The following ASXL2 variants were observed in gnomAD, a reference collection of about 807,000 sequenced individuals.
ASXL2 encodes the protein ASXL transcriptional regulator 2, also known as putative Polycomb group protein ASXL2.
A neutral mutation model predicts 122.0 loss-of-function variants in ASXL2; 23 were observed. The observed-to-expected ratio is 0.19, with a 90% CI of 0.14 to 0.27. The LOEUF is 0.27. ASXL2 is among the 10% of genes least tolerant of loss of function. The pLI is 1.00. For synonymous variants in ASXL2, 650 were observed against 637.0 expected (o/e 1.02, Z -0.31); for missense variants, 1,518 against 1,713.8 (o/e 0.89, Z 2.02).
At chr2:25,755,121 T>G (rs922829847) in intron 10 of ASXL2, among the ~76,000 whole-genome samples, 2 of 152,228 alleles carry the variant, frequency 1.3e-5, no homozygotes, top group East Asian at 3.8e-4. Context: ...ACTTTTCAAG[T>G]GCTATTTTTT....
chr2:25,761,552 A>G (rs1448746505), intron 8 of ASXL2, among the ~76,000 whole-genome samples: 1 of 151,934 alleles, frequency 6.6e-6, no homozygotes, highest in African/African-American at 2.4e-5. Context: ...GCGCGCCTGT[A>G]ATCCCAGCTA....
At chr2:25,831,828 G>A (rs1033246846) in intron 3 of ASXL2, among the ~76,000 whole-genome samples, 2 of 151,726 alleles carry the variant, frequency 1.3e-5, no homozygotes, top group Non-Finnish European at 2.9e-5. Flanking sequence ...TAAATCCAAA[G>A]AAAAAGTCCT....
rs10579555 is a variant in ASXL2, at chr2:25,744,935, C to CCACACACA, written c.1861-467_1861-460dup. The stretch of plus-strand genomic sequence containing the variant: ...GGGAAAATACTTGCTCTTCTCTGTT[C>CCACACACA]CACACACACACACACACACACACAC... On this transcript the variant is annotated intron_variant, in intron 12 of 12. Transcript: ENST00000435504. The surrounding 1 kb of genome is among the most constrained non-coding windows in gnomAD (Gnocchi z 4.7). 4.6e-3 allele frequency among the ~76,000 whole-genome samples: 640 copies of CCACACACA among 138,322 alleles called. 3 individuals carry two copies. The highest frequency in any genetic ancestry group is 0.011 in the South Asian group (45 of 3,996). 90.7% of individuals were successfully genotyped at this position (138,322 alleles called of 152,430 possible).
intron 1 of ASXL2, among the ~76,000 whole-genome samples, chr2:25,875,078 T>C (rs1234227942): frequency 3.3e-5 from 5 of 151,966 alleles, no homozygotes; most frequent in African/African-American, 9.7e-5. Flanking sequence ...AGATCCTGTC[T>C]CAAAAAAAGA....
intron 3 of ASXL2, among the ~76,000 whole-genome samples, chr2:25,826,892 C>G (rs1346336915): frequency 1.3e-5 from 2 of 150,954 alleles, no homozygotes; most frequent in East Asian, 3.9e-4. Flanking sequence ...CCCAGGCTGG[C>G]TCAATCATAC....
chr2:25,746,505 TGA>T (rs1491382320), intron 12 of ASXL2, among the ~76,000 whole-genome samples: 8 of 45,886 alleles, frequency 1.7e-4, no homozygotes, highest in Non-Finnish European at 4.7e-4. Flanking sequence ...GGGGAAAAAA[TGA>T]AAAAAAAAAA....
At chr2:25,847,139 C>T (rs564247475) in intron 1 of ASXL2, among the ~76,000 whole-genome samples, 124 of 152,152 alleles carry the variant, frequency 8.1e-4, no homozygotes, top group East Asian at 4.0e-3. Context: ...AGATAAGTGG[C>T]GCCAAAATTC....
rs553591202 is a variant in ASXL2 at position 25,809,082 on chromosome 2, G to C, written c.144-2745C>G. 3.9e-5 allele frequency among the ~76,000 whole-genome samples: 6 copies of C among 152,314 alleles called. No individual in the cohort carries two copies. The South Asian group carries it at 1.0e-3, about 26-fold the overall frequency. On this transcript the variant is annotated intron_variant, in intron 3 of 12. Coordinates refer to ENST00000435504, the MANE Select transcript of ASXL2 (RefSeq NM_018263.6). ...TACAATGAGATAGCACTTTTAGAGA[G>C]AGCAGCTTCAAACCCAGAAAAGGAT...
At position 25,744,447 on chromosome 2, in the gene ASXL2, C is replaced by T. The variant is rs754898134; in HGVS notation, c.1890G>A (p.Pro630=). The T allele has an allele frequency of 5.0e-6, 8 of 1,610,158 alleles. No homozygotes were observed. Among genetic ancestry groups the T allele is most frequent in the South Asian group, 4.4e-5 (4 of 90,856 alleles). ...KIPVSRISPM[P]FHPSQVSPRA... ...TGGGAGAGACCTGCGATGGATGAAA[C>T]GGCATGGGGGAGATTCTGGAGACCG... is the stretch of plus-strand genomic sequence containing the variant. Residue 630 remains proline (P), a synonymous_variant, in exon 13 of 13, where the codon CCG becomes CCA. Coordinates refer to ENST00000435504, the MANE Select transcript of ASXL2 (RefSeq NM_018263.6). The surrounding 1 kb of genome is among the most constrained non-coding windows in gnomAD (Gnocchi z 4.7).
chr2:25,825,592 C>G (rs1177377819), intron 3 of ASXL2, among the ~76,000 whole-genome samples: 1 of 152,178 alleles, frequency 6.6e-6, no homozygotes, highest in Non-Finnish European at 1.5e-5. Context: ...CTTCAAGATT[C>G]ATCCATGCTG....
At chr2:25,747,928 G>A (rs1260014658) in intron 12 of ASXL2, among the ~76,000 whole-genome samples, 1 of 152,146 alleles carries the variant, frequency 6.6e-6, no homozygotes, top group Non-Finnish European at 1.5e-5. Context: ...TAGCACTTTG[G>A]GAGGCCGAGG....
chr2:25,774,850 T>G (rs892144855), intron 5 of ASXL2, among the ~76,000 whole-genome samples: 3 of 152,234 alleles, frequency 2.0e-5, no homozygotes, highest in Non-Finnish European at 4.4e-5. Context: ...CAACACTTGG[T>G]ATTCTCTGTC....
At chr2:25,828,489 A>G (rs1294467459) in intron 3 of ASXL2, among the ~76,000 whole-genome samples, 1 of 144,740 alleles carries the variant, frequency 6.9e-6, no homozygotes, top group African/African-American at 2.6e-5. Context: ...CCTGGGCAAC[A>G]AAGAGCAAAA....
At chr2:25,780,145 C>G (rs2088609597) in intron 5 of ASXL2, 1 of 152,186 alleles carries the variant, frequency 6.6e-6, no homozygotes, top group South Asian at 2.1e-4. Context: ...GCCAACATGC[C>G]TGGCCCATTT....
chr2:25,812,815 T>G (rs573963957), intron 3 of ASXL2, among the ~76,000 whole-genome samples: 1 of 152,274 alleles, frequency 6.6e-6, no homozygotes, highest in East Asian at 1.9e-4. Context: ...ACCAACAGGA[T>G]AGAAATCAAC....
chr2:25,808,522 G>A (rs985348464), intron 3 of ASXL2, among the ~76,000 whole-genome samples: 1 of 152,120 alleles, frequency 6.6e-6, no homozygotes, highest in Admixed American at 6.5e-5. Context: ...AGTAGAGATG[G>A]AGTTTCACCA....
Position 25,737,029 on chromosome 2 carries a change from C to G in ASXL2, c.*5000G>C, listed in dbSNP as rs1389067784. 1.3e-5 allele frequency: 2 copies of G among 152,130 alleles called. No individual in the cohort carries two copies. Among genetic ancestry groups the G allele is most frequent in the Non-Finnish European group, 2.9e-5 (2 of 68,020 alleles). The allele number at this position is 152,130 out of a possible 1,614,324, so 9.4% of individuals were successfully genotyped here. A position where few individuals can be genotyped will look rare whatever the true frequency, so the allele number is the denominator to read the frequency against. On this transcript the variant is annotated 3_prime_UTR_variant, in exon 13 of 13. Transcript: ENST00000435504. ...CTCTCCTACCAACTGGCTCAGACCTCATTTCCATAGCTACCCTTCCTGACC... is the reference window on the plus strand; with the variant it reads ...CTCTCCTACCAACTGGCTCAGACCTGATTTCCATAGCTACCCTTCCTGACC...
intron 8 of ASXL2, among the ~76,000 whole-genome samples, chr2:25,767,368 G>C (rs1411303113): frequency 6.6e-6 from 1 of 152,186 alleles, no homozygotes; most frequent in Non-Finnish European, 1.5e-5. Context: ...GTAAACAGGG[G>C]ATAGCAGGAG....
Position 25,749,947 on chromosome 2 carries a change from T to C in ASXL2, c.1609A>G (p.Ile537Val), listed in dbSNP as rs139975547. ...CCCGCTCCTGCTGTGGGCTTCACTA[T>C]TGGTTTTTCAACCCCAGGACTCTTG... is the stretch of plus-strand genomic sequence containing the variant. ...KPKSPGVEKP[I>V]VKPTAGAGPQ... Residue 537 changes from isoleucine to valine, a missense_variant, in exon 12 of 13, where the codon ATA becomes GTA. Transcript: ENST00000435504. 214 of 1,614,018 alleles carry C rather than the reference T, an allele frequency of 1.3e-4. No individual in the cohort carries two copies. In the African/African-American group the frequency reaches 2.6e-3, roughly 19 times the overall value.
Sources: gnomAD v4.1 joint callset for allele counts (sites outside exome capture counted in the v4.1 genomes callset) on GRCh38, gnomAD v4.1.1 for gene constraint, Gnocchi (gnomAD v3.1) non-coding constraint, MANE v1.5 for transcripts, NCBI Gene and HGNC (gene_info 2026-07-23, HGNC 2026-07-21) for gene names.